PALS2: variants seen among roughly 807,000 people sequenced by gnomAD.
PALS2 encodes protein PALS2.
In PALS2, 27 loss-of-function variants were observed where a neutral mutation model predicts 61.6. The observed-to-expected ratio is 0.44, with a 90% CI of 0.32 to 0.60. The LOEUF (loss-of-function observed/expected upper bound fraction) is 0.60, where lower values mean the gene tolerates loss of function less well. Among genes scored for constraint, PALS2 ranks in the 20% least tolerant of loss-of-function variants. PALS2 has a pLI of 0.05. For synonymous variants in PALS2, 236 were observed against 218.6 expected, an observed-to-expected ratio of 1.08 and a Z score of -0.70; for missense variants, 554 against 639.4, an observed-to-expected ratio of 0.87 and a Z score of 1.44.
At chr7:24,577,929 G>A (rs1368907450) in intron 1 of PALS2, among the ~76,000 whole-genome samples, 1 of 152,042 alleles carries the variant, frequency 6.6e-6, no homozygotes, top group Non-Finnish European at 1.5e-5. Context: ...TGATATCAAT[G>A]ATCTTGTCTC....
intron 1 of PALS2, among the ~76,000 whole-genome samples, chr7:24,586,080 A>G (rs189426792): frequency 2.2e-4 from 33 of 152,280 alleles, no homozygotes; most frequent in African/African-American, 7.9e-4. Flanking sequence ...AAAAGATTAT[A>G]TAGTTTATTT....
chr7:24,589,049 G>C (rs76996307), intron 1 of PALS2: 1 of 152,096 alleles, frequency 6.6e-6, no homozygotes. Context: ...TAGTGGTCAG[G>C]ATATGATTTG....
Position 24,673,744 on chromosome 7 carries a change from T to C in PALS2, c.1114+5084T>C, listed in dbSNP as rs533892382. Among the ~76,000 whole-genome samples, 3 of 152,264 alleles carry C rather than the reference T, an allele frequency of 2.0e-5. No homozygotes were observed. The South Asian group carries it at 6.2e-4, about 32-fold the overall frequency. The stretch of plus-strand genomic sequence containing the variant: ...TTGATCTTTTCGGACAACCAAATTT[T>C]GCCTTTGCTGATTTTCTGTATTTTT... On this transcript the variant is annotated intron_variant, in intron 9 of 11. Transcript: ENST00000222644.
intron 2 of PALS2, among the ~76,000 whole-genome samples, chr7:24,639,702 T>G (rs1186904532): frequency 6.6e-6 from 1 of 151,990 alleles, no homozygotes; most frequent in Non-Finnish European, 1.5e-5. Flanking sequence ...GTGATAGTCT[T>G]TTATGATAAA....
At chr7:24,587,113 A>G (rs760802831) in intron 1 of PALS2, among the ~76,000 whole-genome samples, 5 of 151,598 alleles carry the variant, frequency 3.3e-5, no homozygotes, top group South Asian at 2.1e-4. Flanking sequence ...AGTTGTTCTC[A>G]TATTTGACTA....
chr7:24,595,934 G>C (rs1214206853), intron 1 of PALS2, among the ~76,000 whole-genome samples: 1 of 151,778 alleles, frequency 6.6e-6, no homozygotes, highest in Non-Finnish European at 1.5e-5. Flanking sequence ...AGATGAACTG[G>C]TCTAGTTTGA....
At chr7:24,624,085 C>G in intron 2 of PALS2, 1 of 1,331,004 alleles carries the variant, frequency 7.5e-7, no homozygotes, top group Non-Finnish European at 9.9e-7. Flanking sequence ...GATCCTGATC[C>G]TATTTCCATT....
Position 24,573,796 on chromosome 7 carries a change from C to T in PALS2, c.-3+203C>T, listed in dbSNP as rs1269557877. On this transcript the variant is annotated intron_variant, in intron 1 of 11. Coordinates refer to ENST00000222644, the MANE Select transcript of PALS2 (RefSeq NM_001303037.2). The surrounding 1 kb of genome is among the most constrained non-coding windows in gnomAD (Gnocchi z 5.3). The stretch of plus-strand genomic sequence containing the variant: ...GCGCCGCGGTCGGGGAGGCTGCTGG[C>T]CGCCCCCAGCCCGGCCCGCGCGGAA... Among the ~76,000 whole-genome samples, 1 of 148,068 alleles carries T rather than the reference C, an allele frequency of 6.8e-6. No homozygotes were observed. The highest frequency in any genetic ancestry group is 1.5e-5 in the Non-Finnish European group (1 of 66,396).
Position 24,588,891 on chromosome 7 carries a change from A to AAG in PALS2, c.-3+15298_-3+15299insAG, listed in dbSNP as rs1455966521. ...GAGAAAGGGGTGTGTTTTTAGAAAA[A>AAG]CAGTTTATTTTGTCCTTATCCCACC... On this transcript the variant is annotated intron_variant, in intron 1 of 11. Transcript: ENST00000222644. Among the ~76,000 whole-genome samples the AAG allele has an allele frequency of 2.6e-5, 4 of 152,190 alleles. No individual in the cohort carries two copies. The East Asian group carries it at 5.8e-4, about 22-fold the overall frequency.
At chr7:24,624,605 C>CTTTTT (rs368160704) in intron 2 of PALS2, among the ~76,000 whole-genome samples, 2 of 86,400 alleles carry the variant, frequency 2.3e-5, no homozygotes, top group Non-Finnish European at 4.0e-5. Flanking sequence ...GCAGATTCTT[C>CTTTTT]TTTTTTTTTT....
At chr7:24,593,025 ATC>A (rs1364989301) in intron 1 of PALS2, among the ~76,000 whole-genome samples, 1 of 152,122 alleles carries the variant, frequency 6.6e-6, no homozygotes, top group Non-Finnish European at 1.5e-5. Context: ...AGAACATTTT[ATC>A]TATAGTAGAA....
chr7:24,683,011 A>T (rs923209746), intron 11 of PALS2, among the ~76,000 whole-genome samples: 1 of 152,156 alleles, frequency 6.6e-6, no homozygotes, highest in Admixed American at 6.5e-5. Context: ...TATTAACATC[A>T]TGAGGCATAT....
intron 9 of PALS2, among the ~76,000 whole-genome samples, chr7:24,678,151 T>A (rs575678740): frequency 1.3e-5 from 2 of 152,334 alleles, no homozygotes; most frequent in African/African-American, 4.8e-5. Flanking sequence ...ACTTTTCTTC[T>A]TCAAAGCTGT....
chr7:24,670,515 T>A (rs1223585119), intron 9 of PALS2, among the ~76,000 whole-genome samples: 1 of 152,192 alleles, frequency 6.6e-6, no homozygotes. Flanking sequence ...GTTTATCACC[T>A]TGTTTTGCTG....
At chr7:24,601,351 G>T (rs1562607264) in intron 1 of PALS2, among the ~76,000 whole-genome samples, 1 of 151,824 alleles carries the variant, frequency 6.6e-6, no homozygotes, top group East Asian at 1.9e-4. Context: ...ATGCCACTTG[G>T]CTATAATTCA....
intron 2 of PALS2, among the ~76,000 whole-genome samples, chr7:24,639,772 C>G (rs1045980245): frequency 2.7e-5 from 4 of 146,710 alleles, no homozygotes; most frequent in Admixed American, 6.7e-5. Context: ...CAGAAAATTA[C>G]AAATTTACCC....
rs1308724478 is a variant in PALS2, at chr7:24,573,911, CCGCTCCCCA to C, written c.-3+322_-3+330del. The stretch of plus-strand genomic sequence containing the variant: ...CGTGTCTGGCCCATGCTGCTTGCCG[CCGCTCCCCA>C]CGCGCTCCCCGGCGCGGCCCCGACT... On this transcript the variant is annotated intron_variant, in intron 1 of 11. Coordinates refer to ENST00000222644, the MANE Select transcript of PALS2 (RefSeq NM_001303037.2). The surrounding 1 kb of genome is among the most constrained non-coding windows in gnomAD (Gnocchi z 5.3). 1.3e-5 allele frequency: 2 copies of C among 152,430 alleles called. No individual in the cohort carries two copies. Among genetic ancestry groups the C allele is most frequent in the Non-Finnish European group, 2.9e-5 (2 of 68,368 alleles). The allele number at this position is 152,430 out of a possible 1,614,324, so 9.4% of individuals were successfully genotyped here.
intron 1 of PALS2, among the ~76,000 whole-genome samples, chr7:24,586,460 A>C (rs1046624659): frequency 6.6e-6 from 1 of 152,210 alleles, no homozygotes; most frequent in Non-Finnish European, 1.5e-5. Flanking sequence ...ATAACCAAGG[A>C]AAAAAAGTAG....
chr7:24,574,301 A>G (rs1782567487), intron 1 of PALS2: 1 of 152,242 alleles, frequency 6.6e-6, no homozygotes, highest in South Asian at 2.1e-4. Flanking sequence ...GAAACCAAAT[A>G]GGTGCTGGGG....
Sources: allele counts gnomAD v4.1 joint callset (sites outside exome capture counted in the v4.1 genomes callset), GRCh38; gene constraint gnomAD v4.1.1; non-coding constraint Gnocchi (gnomAD v3.1); transcripts MANE v1.5; gene names NCBI Gene and HGNC (gene_info 2026-07-23, HGNC 2026-07-21).